Variants in VWA3B observed in about 807,000 individuals in gnomAD.
The protein encoded by VWA3B is von Willebrand factor A domain-containing protein 3B.
A neutral mutation model predicts 158.3 loss-of-function variants in VWA3B; 138 were observed. The ratio of observed to expected loss-of-function variants is 0.87; its 90% CI spans 0.76 to 1.00. VWA3B has a LOEUF of 1.00. Ranked by LOEUF, VWA3B falls within the 50% of genes least tolerant of loss-of-function variation. The pLI is 0.00. For missense variants in VWA3B, 1,555 were observed against 1,565.1 expected (o/e 0.99, Z 0.11); for synonymous variants, 596 against 587.3 (o/e 1.01, Z -0.21).
rs146673560 is a variant in VWA3B, at chr2:98,303,752, G to C, written c.3471G>C (p.Ala1157=). 6.2e-7 allele frequency: 1 copy of C among 1,613,968 alleles called. No individual in the cohort carries two copies. ...TTAAGATCAGCCAAAACAAGTATGC[G>C]CTCTCTTGCTCTCATATAAAGTCAC... ...ALIKISQNKY[A]LSCSHIKSPP... The change falls in exon 26 of 28, where the codon GCG becomes GCC. Residue 1157 remains alanine (A), a synonymous_variant. Transcript: ENST00000477737.
intron 2 of VWA3B, among the ~76,000 whole-genome samples, chr2:98,112,303 G>GT (rs1674200980): frequency 6.6e-5 from 9 of 136,834 alleles, no homozygotes; most frequent in South Asian, 4.5e-4. Flanking sequence ...TGTGTGTGTG[G>GT]GTGTGTGTGT....
intron 5 of VWA3B, 56 bp downstream of exon 5, chr2:98,121,514 C>G: frequency 3.1e-6 from 5 of 1,587,998 alleles, no homozygotes; most frequent in Non-Finnish European, 4.3e-6. Context: ...CAGCTTAACT[C>G]TTCACACTCA....
chr2:98,121,912 T>C (rs1675001242), intron 5 of VWA3B: 1 of 156,360 alleles, frequency 6.4e-6, no homozygotes, highest in African/African-American at 2.4e-5. Flanking sequence ...GAAATAAGGT[T>C]TTCCCAGCAT....
In VWA3B at chr2:98,236,849, A is replaced by G. The variant is rs951542964; in HGVS notation, c.2673+119A>G. On this transcript the variant is annotated intron_variant, in intron 19 of 27. Coordinates refer to ENST00000477737, the MANE Select transcript of VWA3B (RefSeq NM_144992.5). ...ATGTATTTTAGCCACTGGGGGAAAA[A>G]GTATTTGTAAAGGCAGTAAAAGGGA... The G allele has an allele frequency of 5.0e-6, 7 of 1,392,334 alleles. No individual in the cohort carries two copies. The African/African-American group carries it at 5.8e-5, about 11-fold the overall frequency. 86.2% of individuals were successfully genotyped at this position (1,392,334 alleles called of 1,614,324 possible).
intron 12 of VWA3B, among the ~76,000 whole-genome samples, chr2:98,199,777 G>A (rs567172418): frequency 4.6e-5 from 7 of 152,306 alleles, no homozygotes; most frequent in African/African-American, 7.2e-5. Context: ...CAGACAGCAC[G>A]TCTGTTGCAA....
chr2:98,192,987 T>C lies in VWA3B; in HGVS notation c.1556T>C (p.Met519Thr), dbSNP rs769241265. The part of the protein sequence containing the change: ...IYILIDTSHS[M>T]KSKLDLVKDK... ...ATTCTCATTGACACGTCTCACTCAA[T>C]GAAGAGCAAACTGGACTTGGTGAAG... The change falls in exon 11 of 28, where the codon ATG (methionine) becomes ACG (threonine). Residue 519 changes from methionine (M) to threonine (T), a missense_variant. Coordinates refer to ENST00000477737, the MANE Select transcript of VWA3B (RefSeq NM_144992.5). 1.7e-5 allele frequency: 27 copies of C among 1,614,198 alleles called. No individual in the cohort carries two copies. In the South Asian group the frequency reaches 2.7e-4, roughly 16 times the overall value.
chr2:98,180,019 T>A (rs1680411987), intron 8 of VWA3B, among the ~76,000 whole-genome samples: 1 of 150,312 alleles, frequency 6.7e-6, no homozygotes, highest in Non-Finnish European at 1.5e-5. Flanking sequence ...ATTTTCTTTC[T>A]TTTTCTTTCT....
intron 7 of VWA3B, among the ~76,000 whole-genome samples, chr2:98,137,347 G>T (rs1399592558): frequency 6.6e-6 from 1 of 152,176 alleles, no homozygotes; most frequent in Non-Finnish European, 1.5e-5. Context: ...TAATGGGTGT[G>T]AGGCAATATC....
chr2:98,158,670 G>A (rs1190984713), intron 7 of VWA3B, among the ~76,000 whole-genome samples: 2 of 150,194 alleles, frequency 1.3e-5, no homozygotes, highest in Non-Finnish European at 3.0e-5. Flanking sequence ...TTCATTCCAC[G>A]GGACTGAGAA....
intron 7 of VWA3B, among the ~76,000 whole-genome samples, chr2:98,137,546 C>T (rs1006216699): frequency 1.3e-5 from 2 of 152,036 alleles, no homozygotes; most frequent in East Asian, 1.9e-4. Context: ...CATATTGGAG[C>T]CTGAGGCAAG....
chr2:98,316,134 A>G (rs767399116), downstream of VWA3B, among the ~76,000 whole-genome samples: 5 of 152,160 alleles, frequency 3.3e-5, no homozygotes, highest in Non-Finnish European at 2.9e-5. Context: ...TTTCTGTTCA[A>G]AGGTATCTTA....
intron 14 of VWA3B, among the ~76,000 whole-genome samples, chr2:98,221,770 C>T (rs1175335175): frequency 2.0e-5 from 3 of 152,144 alleles, no homozygotes; most frequent in Non-Finnish European, 4.4e-5. Flanking sequence ...ACCAGGGTAG[C>T]GTCCATGGTG....
At position 98,232,953 on chromosome 2, in the gene VWA3B, C is replaced by T. The variant is rs1181946669; in HGVS notation, c.2309-1695C>T. On this transcript the variant is annotated intron_variant, in intron 16 of 27. Coordinates refer to ENST00000477737, the MANE Select transcript of VWA3B (RefSeq NM_144992.5). ...TGCTGGCAGGGAGGAGGGCCTTGAACCCACAGGGACCAAGAGGCGTCCCGG... is the reference window on the plus strand; with the variant it reads ...TGCTGGCAGGGAGGAGGGCCTTGAATCCACAGGGACCAAGAGGCGTCCCGG... 2.0e-5 allele frequency among the ~76,000 whole-genome samples: 3 copies of T among 152,254 alleles called. No individual in the cohort carries two copies. In the East Asian group the frequency reaches 5.8e-4, roughly 29 times the overall value.
intron 7 of VWA3B, among the ~76,000 whole-genome samples, chr2:98,151,179 C>A (rs1338903628): frequency 6.6e-6 from 1 of 150,862 alleles, no homozygotes; most frequent in Non-Finnish European, 1.5e-5. Flanking sequence ...GTGGTACGAT[C>A]TCTGCTCACT....
chr2:98,169,962 A>C (rs1679443048), intron 8 of VWA3B, among the ~76,000 whole-genome samples: 1 of 152,034 alleles, frequency 6.6e-6, no homozygotes, highest in South Asian at 2.1e-4. Flanking sequence ...CAACAAAAAA[A>C]ATGTGAAAAT....
chr2:98,129,196 GA>G (rs1559556430), intron 6 of VWA3B, among the ~76,000 whole-genome samples: 1 of 133,816 alleles, frequency 7.5e-6, no homozygotes, highest in African/African-American at 3.3e-5. Flanking sequence ...GAGAGAGTGA[GA>G]GAGAGAGAGG....
At chr2:98,242,280 C>T (rs1471468193) in intron 19 of VWA3B, 10 of 456,094 alleles carry the variant, frequency 2.2e-5, no homozygotes, top group African/African-American at 6.0e-5. Flanking sequence ...AGCCTCAAAT[C>T]GGTCACCTTG....
At chr2:98,234,240 A>G (rs991570972) in intron 16 of VWA3B, among the ~76,000 whole-genome samples, 16 of 152,264 alleles carry the variant, frequency 1.1e-4, no homozygotes, top group African/African-American at 3.1e-4. Context: ...GCAGAAGAGA[A>G]AGTCAGACAG....
chr2:98,179,622 G>A (rs1039460243), intron 8 of VWA3B, among the ~76,000 whole-genome samples: 6 of 152,130 alleles, frequency 3.9e-5, no homozygotes, highest in East Asian at 1.9e-4. Flanking sequence ...GCATTTTCAC[G>A]TGACCTACCT....
Sources: allele counts gnomAD v4.1 joint callset (sites outside exome capture counted in the v4.1 genomes callset), GRCh38; gene constraint gnomAD v4.1.1; transcripts MANE v1.5; gene names NCBI Gene and HGNC (gene_info 2026-07-23, HGNC 2026-07-21).